LYRM4: variants seen among roughly 807,000 people sequenced by gnomAD.
LYRM4 encodes LYR motif containing 4, also known as LYR motif-containing protein 4.
A neutral mutation model predicts 11.7 loss-of-function variants in LYRM4; 9 were observed. That is an observed-to-expected ratio of 0.77 (90% CI 0.46 to 1.34). The LOEUF (loss-of-function observed/expected upper bound fraction) is 1.34, where lower values mean the gene tolerates loss of function less well. LYRM4 is among the 40% of genes most tolerant of loss of function. LYRM4 has a pLI of 0.00. For missense variants in LYRM4, 133 were observed against 112.5 expected (o/e 1.18, Z -0.82); for synonymous variants, 42 against 40.4 (o/e 1.04, Z -0.15).
At chr6:5,038,337 G>A in the LYRM4 span, among the ~76,000 whole-genome samples, 2 of 60,390 alleles carry the variant, frequency 3.3e-5, 1 homozygote, top group Non-Finnish European at 7.9e-5. Flanking sequence ...TGGCGGCGGG[G>A]AAGAGGCGCT....
chr6:5,157,021 G>A (rs73719712), intron 2 of LYRM4, among the ~76,000 whole-genome samples: 8,792 of 152,220 alleles, frequency 0.058, 405 homozygotes, highest in African/African-American at 0.11. Context: ...ATAAAGCAAT[G>A]CTAAGCCCAC....
chr6:5,032,502 T>G, the LYRM4 span: 4 of 152,180 alleles, frequency 2.6e-5, no homozygotes, highest in South Asian at 8.3e-4. Flanking sequence ...ACAATAAAAA[T>G]AGATTTCAGA....
At chr6:5,046,508 C>T in the LYRM4 span, among the ~76,000 whole-genome samples, 17 of 152,240 alleles carry the variant, frequency 1.1e-4, no homozygotes, top group African/African-American at 3.9e-4. Flanking sequence ...GCGTGGCTGC[C>T]GTCTTCTGAA....
the LYRM4 span, chr6:5,054,034 A>C: frequency 5.9e-6 from 4 of 681,176 alleles, no homozygotes; most frequent in African/African-American, 7.8e-5. Context: ...TAAGATGGCT[A>C]TTTACAGGGT....
the LYRM4 span, among the ~76,000 whole-genome samples, chr6:5,046,398 G>A: frequency 2.0e-5 from 3 of 152,052 alleles, no homozygotes; most frequent in African/African-American, 2.4e-5. Flanking sequence ...CACCCGCCTC[G>A]GCCTCCCAAA....
At chr6:5,036,981 A>G in the LYRM4 span, among the ~76,000 whole-genome samples, 1,041 of 149,732 alleles carry the variant, frequency 7.0e-3, 17 homozygotes, top group African/African-American at 0.023. Flanking sequence ...CTGCCCCAGT[A>G]TTGAGAAGTC....
chr6:5,144,754 G>A (rs1001235490), intron 2 of LYRM4, among the ~76,000 whole-genome samples: 2 of 152,048 alleles, frequency 1.3e-5, no homozygotes, highest in Non-Finnish European at 2.9e-5. Context: ...CTGGGAGCAG[G>A]AGCTGCATGT....
chr6:5,038,883 GGAGAGA>G, the LYRM4 span, among the ~76,000 whole-genome samples: 4 of 8,124 alleles, frequency 4.9e-4, 1 homozygote, highest in African/African-American at 1.3e-3. Flanking sequence ...GACCGTGGAG[GGAGAGA>G]GAGGGAGAGG....
At chr6:5,187,210 T>TTCTCAGGGC (rs1276351238) in intron 2 of LYRM4, among the ~76,000 whole-genome samples, 3 of 152,176 alleles carry the variant, frequency 2.0e-5, no homozygotes, top group Non-Finnish European at 4.4e-5. Flanking sequence ...ATATGTGATC[T>TTCTCAGGGC]TCTCAGGGCT....
chr6:5,140,301 T>G (rs941333131), intron 2 of LYRM4, among the ~76,000 whole-genome samples: 6 of 152,068 alleles, frequency 3.9e-5, no homozygotes, highest in Non-Finnish European at 8.8e-5. Context: ...ACAGGCTGCC[T>G]GATTTGCAAA....
intron 1 of LYRM4, among the ~76,000 whole-genome samples, chr6:5,217,642 C>T (rs1762350650): frequency 6.6e-6 from 1 of 152,262 alleles, no homozygotes. Context: ...CTTCTTAACA[C>T]TTGTTATGCC....
intron 1 of LYRM4, among the ~76,000 whole-genome samples, chr6:5,220,598 T>G (rs1256457060): frequency 6.6e-6 from 1 of 152,202 alleles, no homozygotes; most frequent in African/African-American, 2.4e-5. Context: ...GCTGCTAAAT[T>G]CTAGCATGTC....
chr6:5,080,421 C>A, the LYRM4 span, among the ~76,000 whole-genome samples: 1 of 152,194 alleles, frequency 6.6e-6, no homozygotes, highest in Non-Finnish European at 1.5e-5. Flanking sequence ...CTCCATGTGC[C>A]CCTGGAAGAG....
intron 2 of LYRM4, among the ~76,000 whole-genome samples, chr6:5,118,800 C>G (rs1038873284): frequency 1.3e-5 from 2 of 152,148 alleles, no homozygotes; most frequent in African/African-American, 4.8e-5. Context: ...ATTGTGAAAC[C>G]CAAACTTACG....
chr6:5,080,016 A>G, the LYRM4 span, among the ~76,000 whole-genome samples: 1 of 152,216 alleles, frequency 6.6e-6, no homozygotes, highest in South Asian at 2.1e-4. Flanking sequence ...TTACCATGGG[A>G]ATATTTAGGA....
intron 1 of LYRM4, among the ~76,000 whole-genome samples, chr6:5,245,392 A>G (rs1219226166): frequency 6.6e-6 from 1 of 151,832 alleles, no homozygotes; most frequent in Non-Finnish European, 1.5e-5. Context: ...TCACTCAGCC[A>G]ACGGTTCTTA....
rs117239351 is a variant in LYRM4 at position 5,240,220 on chromosome 6, T to C, written c.86+20428A>G. ...TACGTCTGCTTGTTCCCTGACTCAC[T>C]CTGGTAAAATCTCACCTCCTATCTT... is the stretch of plus-strand genomic sequence containing the variant. On this transcript the variant is annotated intron_variant, in intron 1 of 2. Transcript: ENST00000330636. Among the ~76,000 whole-genome samples the C allele has an allele frequency of 7.8e-4, 118 of 152,230 alleles. 1 individual carries two copies. In the East Asian group the frequency reaches 0.019, roughly 24 times the overall value.
At chr6:5,242,690 GC>G (rs145140986) in intron 1 of LYRM4, among the ~76,000 whole-genome samples, 2,991 of 151,566 alleles carry the variant, frequency 0.02, 89 homozygotes, top group African/African-American at 0.068. Context: ...TTGCACTCCA[GC>G]CTGGGCAACG....
At chr6:5,242,744 T>C (rs1385690278) in intron 1 of LYRM4, among the ~76,000 whole-genome samples, 1 of 149,356 alleles carries the variant, frequency 6.7e-6, no homozygotes, top group Non-Finnish European at 1.5e-5. Context: ...AGCAACAACA[T>C]GAATATGACA....
Sources: gnomAD v4.1 joint callset for allele counts (sites outside exome capture counted in the v4.1 genomes callset) on GRCh38, gnomAD v4.1.1 for gene constraint, MANE v1.5 for transcripts, NCBI Gene and HGNC (gene_info 2026-07-23, HGNC 2026-07-21) for gene names.